FOXP1: variants seen among roughly 807,000 people sequenced by gnomAD.
FOXP1 encodes the protein forkhead box protein P1.
In FOXP1, 15 loss-of-function variants were observed where a neutral mutation model predicts 98.2. That is an observed-to-expected ratio of 0.15 (90% CI 0.10 to 0.24). The LOEUF (loss-of-function observed/expected upper bound fraction) is 0.24. Among genes scored for constraint, FOXP1 ranks in the 10% least tolerant of loss-of-function variants. The pLI, the probability that FOXP1 is intolerant of heterozygous loss-of-function variation, is 1.00. For synonymous variants in FOXP1, 371 were observed against 314.5 expected (o/e 1.18, Z -1.90); for missense variants, 633 against 848.5 (o/e 0.75, Z 3.15).
At chr3:71,381,028 T>A (rs1350922980) in intron 3 of FOXP1, among the ~76,000 whole-genome samples, 1 of 152,228 alleles carries the variant, frequency 6.6e-6, no homozygotes, top group East Asian at 1.9e-4. Flanking sequence ...CACAAATGAA[T>A]GTCCTTTTTT....
At chr3:71,553,797 G>A (rs1477859640) in intron 2 of FOXP1, among the ~76,000 whole-genome samples, 2 of 152,166 alleles carry the variant, frequency 1.3e-5, no homozygotes, top group African/African-American at 4.8e-5. Context: ...AAACCTAACT[G>A]ATAGCTCAAG....
chr3:71,468,790 T>C (rs1056029124), intron 3 of FOXP1, among the ~76,000 whole-genome samples: 1 of 152,184 alleles, frequency 6.6e-6, no homozygotes, highest in African/African-American at 2.4e-5. Flanking sequence ...GTGAGGCTTT[T>C]AAGAACAGCA....
chr3:71,065,264 G>C (rs1438027046), intron 7 of FOXP1, among the ~76,000 whole-genome samples: 2 of 152,074 alleles, frequency 1.3e-5, no homozygotes, highest in African/African-American at 4.8e-5. Flanking sequence ...CTGCGGGGCC[G>C]GGGCTGCCGG....
intron 4 of FOXP1, chr3:71,334,253 C>T (rs745582455): frequency 2.6e-5 from 4 of 152,042 alleles, no homozygotes; most frequent in Non-Finnish European, 5.9e-5. Flanking sequence ...ACTAAAAAGA[C>T]AAAAATTAGC....
At chr3:71,460,306 C>T (rs2087938702) in intron 3 of FOXP1, among the ~76,000 whole-genome samples, 1 of 152,124 alleles carries the variant, frequency 6.6e-6, no homozygotes, top group South Asian at 2.1e-4. Context: ...GTGGCGTGAT[C>T]TCAGCTCACT....
chr3:71,248,063 A>C (rs1483092191), intron 5 of FOXP1, among the ~76,000 whole-genome samples: 6 of 152,222 alleles, frequency 3.9e-5, no homozygotes, highest in Non-Finnish European at 8.8e-5. Flanking sequence ...CAATGCTCAC[A>C]GAGAACAGGC....
intron 3 of FOXP1, among the ~76,000 whole-genome samples, chr3:71,469,391 C>T (rs2089100302): frequency 6.6e-6 from 1 of 152,202 alleles, no homozygotes; most frequent in South Asian, 2.1e-4. Flanking sequence ...TTAAAACACA[C>T]AGGACCATTC....
intron 5 of FOXP1, among the ~76,000 whole-genome samples, chr3:71,233,180 G>T (rs2066469650): frequency 6.9e-6 from 1 of 145,210 alleles, no homozygotes; most frequent in Non-Finnish European, 1.5e-5. Context: ...AAGAGAGAAA[G>T]CGAAAGAAAT....
At chr3:71,031,851 C>T (rs975471608) in intron 11 of FOXP1, among the ~76,000 whole-genome samples, 2 of 152,180 alleles carry the variant, frequency 1.3e-5, no homozygotes, top group African/African-American at 2.4e-5. Flanking sequence ...AACACACAAC[C>T]ACCCAGCCAG....
In FOXP1 at chr3:71,225,556, C is replaced by A. The variant is rs533454253; in HGVS notation, c.-11-27164G>T. On this transcript the variant is annotated intron_variant, in intron 5 of 20. Transcript: ENST00000649528. ...TGAGCTGTCATAATTGCTAATGCTA[C>A]GGATTTGTTCCCTGTAGAATTCTGT... Among the ~76,000 whole-genome samples the A allele has an allele frequency of 3.3e-5, 5 of 152,150 alleles. No individual in the cohort carries two copies. The South Asian group carries it at 1.0e-3, about 32-fold the overall frequency.
chr3:71,393,162 G>A (rs1450877488), intron 3 of FOXP1, among the ~76,000 whole-genome samples: 1 of 152,100 alleles, frequency 6.6e-6, no homozygotes, highest in Non-Finnish European at 1.5e-5. Flanking sequence ...TGAAACCTTA[G>A]AATTGGGTTT....
intron 5 of FOXP1, among the ~76,000 whole-genome samples, chr3:71,279,898 C>T (rs376279828): frequency 5.3e-5 from 8 of 151,922 alleles, no homozygotes; most frequent in African/African-American, 1.5e-4. Context: ...CCGAGGCAGG[C>T]GGATCACGAG....
At chr3:70,983,272 G>C (rs2039186852) in intron 14 of FOXP1, among the ~76,000 whole-genome samples, 1 of 151,222 alleles carries the variant, frequency 6.6e-6, no homozygotes, top group East Asian at 2.0e-4. Context: ...AAAAATTCTA[G>C]TTGAAAGGTT....
intron 6 of FOXP1, among the ~76,000 whole-genome samples, chr3:71,125,052 G>A (rs929105536): frequency 6.6e-6 from 1 of 152,160 alleles, no homozygotes; most frequent in Non-Finnish European, 1.5e-5. Flanking sequence ...CTTTCCAATG[G>A]CAAATGTACT....
At chr3:71,033,824 T>C (rs2047211668) in intron 11 of FOXP1, among the ~76,000 whole-genome samples, 1 of 152,148 alleles carries the variant, frequency 6.6e-6, no homozygotes, top group Non-Finnish European at 1.5e-5. Flanking sequence ...CAAAGCACGA[T>C]GGCTGCCAAA....
At chr3:71,016,589 T>C (rs1267868930) in intron 11 of FOXP1, among the ~76,000 whole-genome samples, 6 of 151,876 alleles carry the variant, frequency 4.0e-5, no homozygotes, top group Non-Finnish European at 7.4e-5. Flanking sequence ...GGAAGGGCTA[T>C]TTTGCAACTT....
At chr3:70,992,480 C>T (rs1439485371) in intron 13 of FOXP1, among the ~76,000 whole-genome samples, 4 of 152,150 alleles carry the variant, frequency 2.6e-5, no homozygotes, top group African/African-American at 9.7e-5. Context: ...ATTACTCTAC[C>T]AAACTGAGCA....
At chr3:71,536,439 C>T (rs1466158868) in intron 2 of FOXP1, among the ~76,000 whole-genome samples, 4 of 152,050 alleles carry the variant, frequency 2.6e-5, no homozygotes, top group African/African-American at 7.2e-5. Context: ...TGCACAGAAT[C>T]GGAATTTTAG....
intron 2 of FOXP1, among the ~76,000 whole-genome samples, chr3:71,575,130 T>C (rs1287139863): frequency 5.3e-5 from 8 of 152,212 alleles, no homozygotes; most frequent in Admixed American, 3.3e-4. Flanking sequence ...TGCAACTGTG[T>C]CTGTGTTGGG....
Sources: allele counts gnomAD v4.1 joint callset (sites outside exome capture counted in the v4.1 genomes callset), GRCh38; gene constraint gnomAD v4.1.1; transcripts MANE v1.5; gene names NCBI Gene and HGNC (gene_info 2026-07-23, HGNC 2026-07-21).